REPS2: variants seen among roughly 807,000 people sequenced by gnomAD.
REPS2 encodes RALBP1 associated Eps domain containing 2.
REPS2 carries 23 observed loss-of-function variants against 53.6 expected under a neutral mutation model. The observed-to-expected ratio is 0.43, with a 90% confidence interval of 0.31 to 0.61. The LOEUF (loss-of-function observed/expected upper bound fraction) is 0.61. REPS2 is among the 20% of genes least tolerant of loss of function. REPS2 has a pLI of 0.11. For missense variants in REPS2, 446 were observed against 534.9 expected, an observed-to-expected ratio of 0.83 and a Z score of 1.64; for synonymous variants, 238 against 218.6, an observed-to-expected ratio of 1.09 and a Z score of -0.78.
At chrX:17,118,120 C>T (rs887656771) in intron 14 of REPS2, among the ~76,000 whole-genome samples, 10 of 103,553 alleles carry the variant, frequency 9.7e-5, no homozygotes, top group East Asian at 3.1e-4. Context: ...CCACTACGCC[C>T]GGCTAATTTT....
the REPS2 span, among the ~76,000 whole-genome samples, chrX:17,161,672 T>G: frequency 2.7e-5 from 3 of 110,741 alleles, no homozygotes; most frequent in Non-Finnish European, 5.7e-5. Flanking sequence ...CATGCTGTAC[T>G]CATGTTTTTG....
At chrX:17,086,767 A>G (rs1031074465) in intron 13 of REPS2, among the ~76,000 whole-genome samples, 1 of 112,892 alleles carries the variant, frequency 8.9e-6, no homozygotes, top group East Asian at 2.7e-4. Flanking sequence ...ATCATAAAAC[A>G]TAATTCTCAG....
intron 11 of REPS2, among the ~76,000 whole-genome samples, chrX:17,071,847 T>C (rs2062311242): frequency 8.9e-6 from 1 of 112,213 alleles, no homozygotes; most frequent in Non-Finnish European, 1.9e-5. Flanking sequence ...TTTCCCTCTT[T>C]CCAGCTACAC....
chrX:16,984,790 A>C lies in REPS2; in HGVS notation c.274-21431A>C, dbSNP rs1180579800. On this transcript the variant is annotated intron_variant, in intron 1 of 17. Coordinates refer to ENST00000357277, the MANE Select transcript of REPS2 (RefSeq NM_004726.3). ...AGCTGAGGCTTCTTGAATCCTGAAA[A>C]GTTTGGTCTGATGTACTTTTTTTTT... Among the ~76,000 whole-genome samples the C allele has an allele frequency of 1.2e-4, 13 of 110,602 alleles. No homozygotes were observed. In the Admixed American group the frequency reaches 1.3e-3, roughly 11 times the overall value.
intron 1 of REPS2, among the ~76,000 whole-genome samples, chrX:17,005,609 T>A (rs1209429454): frequency 9.0e-6 from 1 of 111,530 alleles, no homozygotes; most frequent in African/African-American, 3.3e-5. Flanking sequence ...TACAGAAAAG[T>A]AACATTTGAG....
chrX:17,109,796 A>G (rs1054727936), intron 14 of REPS2, among the ~76,000 whole-genome samples: 1 of 112,386 alleles, frequency 8.9e-6, no homozygotes, highest in Admixed American at 9.4e-5. Flanking sequence ...TGAAAGTGAT[A>G]TTGAACCCAA....
intron 6 of REPS2, among the ~76,000 whole-genome samples, chrX:17,050,206 T>TCTC (rs1169768508): frequency 3.0e-5 from 1 of 33,775 alleles, no homozygotes; most frequent in African/African-American, 1.0e-4. Context: ...TTTTTTTTTT[T>TCTC]TTTTGACAGG....
Position 16,957,484 on chromosome X carries a change from A to G in REPS2, c.273+10350A>G, listed in dbSNP as rs564629218. Among the ~76,000 whole-genome samples the G allele has an allele frequency of 5.4e-5, 6 of 111,615 alleles. No homozygotes were observed. In the South Asian group the frequency reaches 1.9e-3, roughly 35 times the overall value. Reference sequence around the variant, plus strand: ...AGTGCTTGCCCCATGCCTTCAAAAGAACATATTTAATACAATAATCTCTTT... The same window carrying G: ...AGTGCTTGCCCCATGCCTTCAAAAGGACATATTTAATACAATAATCTCTTT... On this transcript the variant is annotated intron_variant, in intron 1 of 17. Coordinates refer to ENST00000357277, the MANE Select transcript of REPS2 (RefSeq NM_004726.3).
Position 17,150,724 on chromosome X carries a change from A to G in REPS2, c.*3243A>G, listed in dbSNP as rs1248924166. The G allele has an allele frequency of 3.6e-5, 4 of 111,742 alleles. No individual in the cohort carries two copies. The highest frequency in any genetic ancestry group is 7.5e-5 in the Non-Finnish European group (4 of 53,176). The allele number at this position is 111,742 out of a possible 1,213,427, so 9.2% of individuals were successfully genotyped here. On this transcript the variant is annotated 3_prime_UTR_variant, in exon 18 of 18. Coordinates refer to ENST00000357277, the MANE Select transcript of REPS2 (RefSeq NM_004726.3). ...CATCATTTGCAGTTTGCATGTGGGGAAACCAAAGCCCTAAGAAACAACAGT... is the reference window on the plus strand; with the variant it reads ...CATCATTTGCAGTTTGCATGTGGGGGAACCAAAGCCCTAAGAAACAACAGT...
At chrX:17,179,774 A>G in the REPS2 span, among the ~76,000 whole-genome samples, 1 of 111,685 alleles carries the variant, frequency 9.0e-6, no homozygotes, top group Non-Finnish European at 1.9e-5. Context: ...GTAGATCTAT[A>G]AGGATGTCTT....
At chrX:17,059,864 G>A (rs938624999) in intron 8 of REPS2, among the ~76,000 whole-genome samples, 1 of 111,154 alleles carries the variant, frequency 9.0e-6, no homozygotes, top group Middle Eastern at 4.2e-3. Context: ...AAAACTTCAA[G>A]GACAGAGTTG....
intron 1 of REPS2, among the ~76,000 whole-genome samples, chrX:16,977,423 G>A (rs984943445): frequency 2.7e-5 from 3 of 111,210 alleles, no homozygotes; most frequent in African/African-American, 9.8e-5. Context: ...CAAAGGCCAT[G>A]TAATGACATG....
chrX:16,984,868 C>A (rs1241648833), intron 1 of REPS2, among the ~76,000 whole-genome samples: 1 of 110,662 alleles, frequency 9.0e-6, no homozygotes, highest in Non-Finnish European at 1.9e-5. Flanking sequence ...TTGCCAAAGT[C>A]CACCCAACTT....
rs763532779 is a variant in REPS2, at chrX:17,009,189, C to T, written c.397+2845C>T. Among the ~76,000 whole-genome samples the T allele has an allele frequency of 2.4e-3, 269 of 112,053 alleles. 1 individual carries two copies. Among genetic ancestry groups the T allele is most frequent in the African/African-American group, 8.2e-3 (253 of 30,890 alleles). On this transcript the variant is annotated intron_variant, in intron 2 of 17. Coordinates refer to ENST00000357277, the MANE Select transcript of REPS2 (RefSeq NM_004726.3). ...GTTTGTTTGTTTTTTGACAGAGACT[C>T]GCTCTGTCACCCAGGCTGGAGTGCA...
chrX:17,061,438 C>G (rs1198123863), intron 8 of REPS2, among the ~76,000 whole-genome samples: 1 of 112,156 alleles, frequency 8.9e-6, no homozygotes. Flanking sequence ...CCATGCCTGG[C>G]CAATGGCCAG....
At chrX:17,001,389 C>G (rs924759184) in intron 1 of REPS2, among the ~76,000 whole-genome samples, 8 of 112,468 alleles carry the variant, frequency 7.1e-5, no homozygotes, top group Non-Finnish European at 1.1e-4. Context: ...ATCTCAGTAT[C>G]ACCTGTGTGG....
chrX:17,123,918 A>G (rs1161621998), intron 14 of REPS2, among the ~76,000 whole-genome samples: 3 of 112,373 alleles, frequency 2.7e-5, no homozygotes, highest in African/African-American at 6.5e-5. Flanking sequence ...AGGAGGAACT[A>G]TGCCTGGGAA....
At position 17,147,573 on chromosome X, in the gene REPS2, G is replaced by T; in HGVS notation, c.*92G>T. 1.4e-6 allele frequency: 1 copy of T among 708,652 alleles called. No individual in the cohort carries two copies. Among genetic ancestry groups the T allele is most frequent in the South Asian group, 3.3e-5 (1 of 30,183 alleles). The allele number at this position is 708,652 out of a possible 1,213,427, so 58.4% of individuals were successfully genotyped here. A position where few individuals can be genotyped will look rare whatever the true frequency, so the allele number is the denominator to read the frequency against. On this transcript the variant is annotated 3_prime_UTR_variant, in exon 18 of 18. Coordinates refer to ENST00000357277, the MANE Select transcript of REPS2 (RefSeq NM_004726.3). ...ACCCAACTACTTGTCATAGATGTTT[G>T]ACTGTGTCAAAAGCTGTGAGCAGCA...
intron 1 of REPS2, among the ~76,000 whole-genome samples, chrX:17,002,579 A>G (rs2061320763): frequency 8.9e-6 from 1 of 112,486 alleles, no homozygotes; most frequent in Admixed American, 9.4e-5. Flanking sequence ...AAAACCCAGC[A>G]TAGAGGTTGA....
Sources: allele counts gnomAD v4.1 joint callset (sites outside exome capture counted in the v4.1 genomes callset), GRCh38; gene constraint gnomAD v4.1.1; transcripts MANE v1.5; gene names NCBI Gene and HGNC (gene_info 2026-07-23, HGNC 2026-07-21).